The following PID1 variants were observed in gnomAD, a reference collection of about 807,000 sequenced individuals.
The protein encoded by PID1 is phosphotyrosine interaction domain containing 1, also known as PTB-containing, cubilin and LRP1-interacting protein.
In PID1, 10 loss-of-function variants were observed where a neutral mutation model predicts 19.1. That is an observed-to-expected ratio of 0.52 (90% confidence interval 0.32 to 0.89). The LOEUF is 0.89. Among genes scored for constraint, PID1 ranks in the 40% least tolerant of loss-of-function variants. PID1 has a pLI of 0.03. For missense variants in PID1, 248 were observed against 285.3 expected, an observed-to-expected ratio of 0.87 and a Z score of 0.94; for synonymous variants, 130 against 116.0, an observed-to-expected ratio of 1.12 and a Z score of -0.78.
chr2:229,139,577 C>A (rs181510302), intron 2 of PID1, among the ~76,000 whole-genome samples: 88 of 152,266 alleles, frequency 5.8e-4, no homozygotes, highest in African/African-American at 2.1e-3. Context: ...TATCCCAGCA[C>A]TGAGAAAGTC....
chr2:229,194,213 A>C (rs2106234262), intron 1 of PID1, among the ~76,000 whole-genome samples: 1 of 152,262 alleles, frequency 6.6e-6, no homozygotes, highest in Middle Eastern at 3.4e-3. Flanking sequence ...AAGAGAAAAA[A>C]ATGCACAGTT....
intron 2 of PID1, among the ~76,000 whole-genome samples, chr2:229,106,494 G>C (rs1695181404): frequency 6.6e-6 from 1 of 152,184 alleles, no homozygotes; most frequent in Non-Finnish European, 1.5e-5. Context: ...CCAATGAATA[G>C]TATTGATAGA....
In PID1 at chr2:229,089,712, T is replaced by C. The variant is rs888574726; in HGVS notation, c.178-63604A>G. Among the ~76,000 whole-genome samples the C allele has an allele frequency of 5.3e-5, 8 of 152,198 alleles. No individual in the cohort carries two copies. The South Asian group carries it at 1.4e-3, about 28-fold the overall frequency. ...AATACTGGAATACTAAAGAGCCAGC[T>C]CTCAGAAATTTGTCTAGAAAGGGAG... On this transcript the variant is annotated intron_variant, in intron 2 of 2. Coordinates refer to ENST00000392055, the MANE Select transcript of PID1 (RefSeq NM_001100818.2).
intron 1 of PID1, among the ~76,000 whole-genome samples, chr2:229,235,372 G>A (rs958304361): frequency 2.0e-5 from 3 of 152,206 alleles, no homozygotes; most frequent in African/African-American, 7.2e-5. Context: ...AAAACAGCAG[G>A]AAGAGTCTGA....
intron 1 of PID1, among the ~76,000 whole-genome samples, chr2:229,253,657 C>G (rs188833398): frequency 1.3e-5 from 2 of 151,468 alleles, no homozygotes; most frequent in Non-Finnish European, 2.9e-5. Context: ...AGTTTTTACA[C>G]GGAAGGGTAC....
Position 229,192,443 on chromosome 2 carries a change from T to C in PID1, c.31-36479A>G, listed in dbSNP as rs375481180. Among the ~76,000 whole-genome samples, 33 of 152,340 alleles carry C rather than the reference T, an allele frequency of 2.2e-4. No homozygotes were observed. In the South Asian group the frequency reaches 5.6e-3, roughly 26 times the overall value. The stretch of plus-strand genomic sequence containing the variant: ...ACTGTAGACCTTTGTGATCTCTTTA[T>C]GTAACTGACTTTGTCCTACTTCATA... On this transcript the variant is annotated intron_variant, in intron 1 of 2. Transcript: ENST00000392055.
rs144677417 is a variant in PID1 at position 229,185,745 on chromosome 2, T to A, written c.31-29781A>T. ...ATTCAATTACCTCCCACTGGGTCCC[T>A]CCCACAACACGTGGGAATTGAAGAT... On this transcript the variant is annotated intron_variant, in intron 1 of 2. Coordinates refer to ENST00000392055, the MANE Select transcript of PID1 (RefSeq NM_001100818.2). Among the ~76,000 whole-genome samples the A allele has an allele frequency of 2.0e-3, 310 of 152,196 alleles. 2 individuals carry two copies. Among genetic ancestry groups the A allele is most frequent in the African/African-American group, 7.2e-3 (301 of 41,536 alleles).
intron 2 of PID1, among the ~76,000 whole-genome samples, chr2:229,073,443 T>C (rs1288255709): frequency 1.3e-5 from 2 of 152,228 alleles, no homozygotes; most frequent in Non-Finnish European, 2.9e-5. Context: ...AAAATTATGG[T>C]GTAGTTGCAT....
intron 1 of PID1, among the ~76,000 whole-genome samples, chr2:229,197,012 A>G (rs1574712876): frequency 1.3e-5 from 2 of 152,104 alleles, no homozygotes; most frequent in Non-Finnish European, 2.9e-5. Context: ...CAAGGCAAAC[A>G]TATTTATCAC....
At chr2:229,128,024 G>C (rs763440704) in intron 2 of PID1, among the ~76,000 whole-genome samples, 2 of 152,140 alleles carry the variant, frequency 1.3e-5, no homozygotes, top group Non-Finnish European at 2.9e-5. Flanking sequence ...CAAGCCCTTT[G>C]TGTGCAGGGA....
chr2:229,128,764 A>T (rs1223226400), intron 2 of PID1, among the ~76,000 whole-genome samples: 1 of 152,212 alleles, frequency 6.6e-6, no homozygotes, highest in African/African-American at 2.4e-5. Context: ...TGGTATTCTT[A>T]TCATAAAGAG....
intron 2 of PID1, among the ~76,000 whole-genome samples, chr2:229,098,016 A>G (rs930114081): frequency 3.9e-5 from 6 of 152,198 alleles, no homozygotes; most frequent in Non-Finnish European, 8.8e-5. Context: ...CATGAGCTTT[A>G]GGTCCAACAA....
chr2:229,132,441 C>T (rs1051987035), intron 2 of PID1, among the ~76,000 whole-genome samples: 12 of 152,186 alleles, frequency 7.9e-5, no homozygotes, highest in African/African-American at 2.2e-4. Flanking sequence ...CTATCACTGC[C>T]GGCTTTTCTG....
chr2:229,050,562 AG>A (rs1693973880), intron 2 of PID1, among the ~76,000 whole-genome samples: 2 of 152,212 alleles, frequency 1.3e-5, no homozygotes, highest in Admixed American at 6.5e-5. Flanking sequence ...ACAGCATGGT[AG>A]CTGCCAAATA....
chr2:229,105,468 C>T (rs1480913801), intron 2 of PID1, among the ~76,000 whole-genome samples: 2 of 152,198 alleles, frequency 1.3e-5, no homozygotes, highest in Non-Finnish European at 2.9e-5. Flanking sequence ...CTGAGATATG[C>T]AATTTTTTAA....
chr2:229,197,502 C>T (rs1207836455), intron 1 of PID1, among the ~76,000 whole-genome samples: 2 of 151,888 alleles, frequency 1.3e-5, no homozygotes, highest in African/African-American at 4.8e-5. Context: ...TATTCTATAC[C>T]TATCTTATGT....
At chr2:229,214,977 T>C (rs1339036658) in intron 1 of PID1, among the ~76,000 whole-genome samples, 1 of 152,086 alleles carries the variant, frequency 6.6e-6, no homozygotes, top group African/African-American at 2.4e-5. Flanking sequence ...ATCCCCCCTT[T>C]CTCTCTCTCT....
At chr2:229,086,332 C>A (rs1421029580) in intron 2 of PID1, among the ~76,000 whole-genome samples, 3 of 152,118 alleles carry the variant, frequency 2.0e-5, no homozygotes, top group Non-Finnish European at 4.4e-5. Context: ...CATTAGCCTA[C>A]AATTGAGCAA....
At chr2:229,056,612 A>ATATAT (rs375335991) in intron 2 of PID1, among the ~76,000 whole-genome samples, 54 of 148,208 alleles carry the variant, frequency 3.6e-4, no homozygotes, top group Admixed American at 1.4e-3. Context: ...AAATAAAAAT[A>ATATAT]ATATATATAT....
Sources: allele counts gnomAD v4.1 joint callset (sites outside exome capture counted in the v4.1 genomes callset), GRCh38; gene constraint gnomAD v4.1.1; transcripts MANE v1.5; gene names NCBI Gene and HGNC (gene_info 2026-07-23, HGNC 2026-07-21).